Variants in ADAM22 observed in about 807,000 individuals in gnomAD.
ADAM22 encodes ADAM metallopeptidase domain 22, also known as disintegrin and metalloproteinase domain-containing protein 22.
In ADAM22, 65 loss-of-function variants were observed where a neutral mutation model predicts 144.6. That is an observed-to-expected ratio of 0.45 (90% CI 0.37 to 0.55). ADAM22 has a LOEUF of 0.55. Ranked by LOEUF, ADAM22 falls within the 20% of genes least tolerant of loss-of-function variation. The probability of loss-of-function intolerance (pLI) is 0.00; values close to 1 mark genes in which losing one functional copy is unlikely to be tolerated. For missense variants in ADAM22, 974 were observed against 1,184.9 expected (o/e 0.82, Z 2.61); for synonymous variants, 391 against 412.6 (o/e 0.95, Z 0.63).
chr7:88,128,111 A>G (rs748557782), intron 8 of ADAM22, among the ~76,000 whole-genome samples: 50 of 152,112 alleles, frequency 3.3e-4, no homozygotes, highest in East Asian at 1.9e-4. Flanking sequence ...AAAAGTGCCA[A>G]TCACTCCAGT....
intron 29 of ADAM22, 121 bp downstream of exon 29, chr7:88,182,145 T>C (rs1009121408): frequency 4.6e-6 from 4 of 876,620 alleles, no homozygotes; most frequent in Non-Finnish European, 5.2e-6. Flanking sequence ...TTTTGTCTTT[T>C]AAATTCTTTT....
At chr7:88,184,458 C>A in intron 29 of ADAM22, 1 of 300,790 alleles carries the variant, frequency 3.3e-6, no homozygotes, top group South Asian at 2.5e-5. Context: ...CTTACAAGTC[C>A]TTTCCTTGGC....
chr7:88,131,254 T>G lies in ADAM22; in HGVS notation c.826-15T>G, dbSNP rs1222696068. On this transcript the variant is annotated splice_polypyrimidine_tract_variant and intron_variant, in intron 10 of 31. Coordinates refer to ENST00000413139, the MANE Select transcript of ADAM22 (RefSeq NM_001324418.2). ...CACATGTACAGCTGATGTGTTCATTTTATTAATATACTAGATATATAAAGA... is the reference window on the plus strand; with the variant it reads ...CACATGTACAGCTGATGTGTTCATTGTATTAATATACTAGATATATAAAGA... 6.2e-7 allele frequency: 1 copy of G among 1,606,284 alleles called. No individual in the cohort carries two copies. Among genetic ancestry groups the G allele is most frequent in the Non-Finnish European group, 8.5e-7 (1 of 1,174,548 alleles).
At chr7:87,962,028 A>T (rs1176682150) in intron 2 of ADAM22, among the ~76,000 whole-genome samples, 2 of 152,216 alleles carry the variant, frequency 1.3e-5, no homozygotes, top group African/African-American at 4.8e-5. Context: ...CATGCAAGTC[A>T]TGTAGCCAAA....
At chr7:88,052,790 C>T (rs1256312845) in intron 3 of ADAM22, among the ~76,000 whole-genome samples, 1 of 152,128 alleles carries the variant, frequency 6.6e-6, no homozygotes, top group East Asian at 1.9e-4. Context: ...TCCTGTTTGC[C>T]TTAAATTCTA....
chr7:87,987,741 G>A (rs778888058), intron 3 of ADAM22, among the ~76,000 whole-genome samples: 12 of 152,176 alleles, frequency 7.9e-5, no homozygotes, highest in Admixed American at 2.0e-4. Flanking sequence ...TATAAGGTGC[G>A]TGCTTACTCC....
intron 26 of ADAM22, among the ~76,000 whole-genome samples, chr7:88,173,985 G>A (rs1241317011): frequency 6.6e-6 from 1 of 152,158 alleles, no homozygotes; most frequent in African/African-American, 2.4e-5. Flanking sequence ...TGGTGGAAAT[G>A]TCGGTGAATG....
At chr7:88,006,193 T>G (rs1793804258) in intron 3 of ADAM22, among the ~76,000 whole-genome samples, 1 of 152,180 alleles carries the variant, frequency 6.6e-6, no homozygotes, top group African/African-American at 2.4e-5. Flanking sequence ...CTCCCAATAC[T>G]AAACCAGGAA....
At chr7:88,084,002 T>C (rs530338835) in intron 4 of ADAM22, among the ~76,000 whole-genome samples, 1 of 152,224 alleles carries the variant, frequency 6.6e-6, no homozygotes, top group Admixed American at 6.5e-5. Context: ...TGTATGATAA[T>C]GTTTTTCTGA....
intron 3 of ADAM22, among the ~76,000 whole-genome samples, chr7:88,020,126 T>G (rs1269935543): frequency 1.3e-5 from 2 of 152,194 alleles, no homozygotes; most frequent in Admixed American, 1.3e-4. Flanking sequence ...TGTGACCTAC[T>G]GCATTCTCAT....
intron 3 of ADAM22, among the ~76,000 whole-genome samples, chr7:87,980,285 C>CTTTTTTTTTT (rs1356609097): frequency 3.2e-5 from 1 of 31,652 alleles, no homozygotes; most frequent in Non-Finnish European, 5.2e-5. Flanking sequence ...ATGCACTGTG[C>CTTTTTTTTTT]TCTTTTTTTT....
chr7:88,173,297 A>G (rs762720763), intron 26 of ADAM22, among the ~76,000 whole-genome samples: 11 of 151,846 alleles, frequency 7.2e-5, no homozygotes, highest in South Asian at 6.2e-4. Flanking sequence ...TGATCTGGCT[A>G]CTCTTTTGGA....
intron 3 of ADAM22, among the ~76,000 whole-genome samples, chr7:88,054,372 G>A (rs1807566284): frequency 6.6e-6 from 1 of 152,042 alleles, no homozygotes; most frequent in Admixed American, 6.6e-5. Context: ...CTGAGGTGAT[G>A]TTCTCCCATA....
At chr7:87,935,574 G>A (rs1315894897) in intron 2 of ADAM22, among the ~76,000 whole-genome samples, 1 of 152,146 alleles carries the variant, frequency 6.6e-6, no homozygotes, top group East Asian at 1.9e-4. Context: ...CTTCATAAGT[G>A]ATTTAACCCA....
At chr7:88,026,844 A>T (rs1270479297) in intron 3 of ADAM22, among the ~76,000 whole-genome samples, 3 of 152,054 alleles carry the variant, frequency 2.0e-5, no homozygotes, top group Admixed American at 6.5e-5. Context: ...TCCATTCAGT[A>T]TGGTACTAAC....
intron 14 of ADAM22, among the ~76,000 whole-genome samples, chr7:88,142,706 C>T (rs373323463): frequency 1.4e-4 from 21 of 151,832 alleles, no homozygotes; most frequent in African/African-American, 3.9e-4. Flanking sequence ...GGCATGGTGG[C>T]GGGCGCCTGT....
chr7:88,157,258 A>G (rs1840234646), intron 22 of ADAM22, among the ~76,000 whole-genome samples: 2 of 152,128 alleles, frequency 1.3e-5, no homozygotes, highest in Admixed American at 1.3e-4. Flanking sequence ...TGCTGAATAC[A>G]ATGAGTGGAA....
chr7:87,949,493 G>A (rs962547906), intron 2 of ADAM22, among the ~76,000 whole-genome samples: 2 of 152,142 alleles, frequency 1.3e-5, no homozygotes, highest in African/African-American at 2.4e-5. Context: ...CTTTTTGTGT[G>A]ACTTTATTCA....
At chr7:88,112,139 C>T (rs1228978895) in intron 5 of ADAM22, among the ~76,000 whole-genome samples, 1 of 152,106 alleles carries the variant, frequency 6.6e-6, no homozygotes, top group Non-Finnish European at 1.5e-5. Flanking sequence ...TTGAAAGGCT[C>T]CCCCTCTGAC....
Sources: gnomAD v4.1 joint callset for allele counts (sites outside exome capture counted in the v4.1 genomes callset) on GRCh38, gnomAD v4.1.1 for gene constraint, MANE v1.5 for transcripts, NCBI Gene and HGNC (gene_info 2026-07-23, HGNC 2026-07-21) for gene names.